Variants in NPLOC4 observed in about 807,000 individuals in gnomAD.
NPLOC4 encodes the protein nuclear protein localization protein 4 homolog.
A neutral mutation model predicts 80.6 loss-of-function variants in NPLOC4; 18 were observed. The ratio of observed to expected loss-of-function variants is 0.22; its 90% confidence interval spans 0.15 to 0.33. The LOEUF (loss-of-function observed/expected upper bound fraction) is 0.33. NPLOC4 is among the 10% of genes least tolerant of loss of function. The pLI is 1.00. For missense variants in NPLOC4, 540 were observed against 786.1 expected (o/e 0.69, Z 3.74); for synonymous variants, 313 against 301.5 (o/e 1.04, Z -0.39).
At chr17:81,559,948 T>C (rs1191960089) in intron 16 of NPLOC4, among the ~76,000 whole-genome samples, 1 of 150,636 alleles carries the variant, frequency 6.6e-6, no homozygotes, top group South Asian at 2.2e-4. Context: ...TTGGCCAGGC[T>C]GGTCTCGAAC....
chr17:81,585,675 A>AGGGGG (rs1568132144), intron 12 of NPLOC4, among the ~76,000 whole-genome samples: 1 of 131,592 alleles, frequency 7.6e-6, no homozygotes, highest in African/African-American at 3.3e-5. Flanking sequence ...GGGGGGGGGA[A>AGGGGG]AGAAAGAAAT....
At chr17:81,607,462 A>G (rs2035237202) in intron 6 of NPLOC4, among the ~76,000 whole-genome samples, 1 of 152,110 alleles carries the variant, frequency 6.6e-6, no homozygotes, top group Non-Finnish European at 1.5e-5. Context: ...AATAAAAACG[A>G]TATATTTACA....
At chr17:81,604,143 C>T (rs914242194) in intron 8 of NPLOC4, among the ~76,000 whole-genome samples, 7 of 152,128 alleles carry the variant, frequency 4.6e-5, no homozygotes, top group African/African-American at 1.2e-4. Context: ...TCTGGTGACA[C>T]TCTGGTGATT....
intron 7 of NPLOC4, 22 bp downstream of exon 7, chr17:81,606,669 A>G: frequency 1.9e-6 from 3 of 1,605,186 alleles, no homozygotes; most frequent in Non-Finnish European, 2.6e-6. Flanking sequence ...AAACAAATCT[A>G]GACAGACAGG....
intron 16 of NPLOC4, 65 bp from the exon 17 acceptor site, chr17:81,559,481 G>A: frequency 2.6e-6 from 4 of 1,516,606 alleles, no homozygotes; most frequent in African/African-American, 1.4e-5. Context: ...CAGAGTGTGG[G>A]CATGGGGGCA....
At chr17:81,597,829 C>T (rs1469012443) in intron 9 of NPLOC4, among the ~76,000 whole-genome samples, 1 of 150,156 alleles carries the variant, frequency 6.7e-6, no homozygotes, top group East Asian at 2.0e-4. Flanking sequence ...GGTGTGGTGG[C>T]TCACGCCTGT....
chr17:81,588,929 T>A lies in NPLOC4; in HGVS notation c.1281+15A>T, dbSNP rs2034660790. On this transcript the variant is annotated intron_variant, in intron 12 of 16. Transcript: ENST00000331134. ...TTCTCCATGTACAGAGTTCTTTTTCTTACCATACTTTTACCTTATAAAACA... is the reference window on the plus strand; with the variant it reads ...TTCTCCATGTACAGAGTTCTTTTTCATACCATACTTTTACCTTATAAAACA... The A allele has an allele frequency of 3.7e-6, 6 of 1,608,022 alleles. No individual in the cohort carries two copies. Among genetic ancestry groups the A allele is most frequent in the Middle Eastern group, 1.7e-4 (1 of 6,014 alleles).
intron 9 of NPLOC4, among the ~76,000 whole-genome samples, chr17:81,598,982 T>G (rs1033413094): frequency 6.6e-6 from 1 of 151,934 alleles, no homozygotes; most frequent in Admixed American, 6.6e-5. Flanking sequence ...CTGAGAAAAA[T>G]TAGGGCTTAG....
chr17:81,559,405 C>T lies in NPLOC4; in HGVS notation c.1681G>A (p.Gly561Arg), dbSNP rs773099693. The T allele has an allele frequency of 1.9e-6, 3 of 1,609,764 alleles. No individual in the cohort carries two copies. The highest frequency in any genetic ancestry group is 2.7e-5 in the African/African-American group (2 of 74,880). Residue 561 changes from glycine to arginine, a missense_variant, in exon 17 of 17, where the codon GGG (glycine) becomes AGG (arginine). Coordinates refer to ENST00000331134, the MANE Select transcript of NPLOC4 (RefSeq NM_017921.4). ...TIEQLCSTVG[G>R]QLPGLHEYGA... ...TACTCATGGAGACCTGGGAGCTGCC[C>T]GCCAACTGTGCCTGCAGGGTGGAAG...
At chr17:81,603,633 A>T (rs913525070) in intron 8 of NPLOC4, among the ~76,000 whole-genome samples, 1 of 152,148 alleles carries the variant, frequency 6.6e-6, no homozygotes, top group Admixed American at 6.6e-5. Context: ...TTTCTAACAT[A>T]CAGCTAATTT....
chr17:81,625,479 A>G (rs1431106362), intron 2 of NPLOC4, among the ~76,000 whole-genome samples: 1 of 152,242 alleles, frequency 6.6e-6, no homozygotes, highest in Non-Finnish European at 1.5e-5. Flanking sequence ...GAAACAAATC[A>G]TAAAAGAACA....
chr17:81,608,670 A>T, intron 6 of NPLOC4, 58 bp downstream of exon 6: 1 of 1,302,558 alleles, frequency 7.7e-7, no homozygotes, highest in Non-Finnish European at 1.1e-6. Flanking sequence ...TATAAGCAAC[A>T]ACTGCCAGCT....
chr17:81,620,279 C>T (rs958394796), intron 3 of NPLOC4, among the ~76,000 whole-genome samples: 18 of 152,116 alleles, frequency 1.2e-4, no homozygotes, highest in Non-Finnish European at 2.2e-4. Context: ...GGGTGGATCA[C>T]GAGGTCAGGA....
intron 11 of NPLOC4, among the ~76,000 whole-genome samples, chr17:81,591,537 T>A (rs577039856): frequency 6.7e-6 from 1 of 149,126 alleles, no homozygotes; most frequent in East Asian, 2.0e-4. Context: ...AATCTAGCAG[T>A]TGAGAATAAG....
rs1215812899 is a variant in NPLOC4, at chr17:81,600,358, T to C, written c.904A>G (p.Lys302Glu). ...KAEVVDEIAAKLGLRKVGWIF... is the reference protein window; with the variant it reads ...KAEVVDEIAAELGLRKVGWIF... ...CTCAGTACCTTCCGCAGGCCAAGTT[T>C]GGCAGCAATTTCATCGACCACTTCA... Residue 302 changes from lysine (K) to glutamate (E), a missense_variant, in exon 9 of 17, where the codon AAA (lysine) becomes GAA (glutamate). Transcript: ENST00000331134. 2.5e-6 allele frequency: 4 copies of C among 1,611,926 alleles called. No homozygotes were observed. Among genetic ancestry groups the C allele is most frequent in the Non-Finnish European group, 3.4e-6 (4 of 1,179,124 alleles).
At chr17:81,584,328 T>C (rs1247901961) in intron 12 of NPLOC4, among the ~76,000 whole-genome samples, 4 of 152,136 alleles carry the variant, frequency 2.6e-5, no homozygotes, top group African/African-American at 9.7e-5. Context: ...AAGCACTCTA[T>C]GAAAACAACA....
At chr17:81,635,357 TAAAA>T (rs10627051) in intron 1 of NPLOC4, among the ~76,000 whole-genome samples, 12 of 126,622 alleles carry the variant, frequency 9.5e-5, no homozygotes, top group East Asian at 2.3e-4. Flanking sequence ...AAAATAAGGT[TAAAA>T]AAAAAAAAAA....
intron 11 of NPLOC4, among the ~76,000 whole-genome samples, chr17:81,589,531 CAAAA>C (rs567322005): frequency 8.2e-6 from 1 of 122,480 alleles, no homozygotes; most frequent in Non-Finnish European, 1.7e-5. Context: ...GACTCCATCT[CAAAA>C]AAAAAAAAAA....
At chr17:81,591,003 G>C (rs747560554) in intron 11 of NPLOC4, among the ~76,000 whole-genome samples, 2 of 152,180 alleles carry the variant, frequency 1.3e-5, no homozygotes, top group African/African-American at 4.8e-5. Context: ...TCTCAGCAAA[G>C]ATACAGGCAC....
Sources: allele counts gnomAD v4.1 joint callset (sites outside exome capture counted in the v4.1 genomes callset), GRCh38; gene constraint gnomAD v4.1.1; transcripts MANE v1.5; gene names NCBI Gene and HGNC (gene_info 2026-07-23, HGNC 2026-07-21).